The following AP2M1 variants were observed in gnomAD, a reference collection of about 807,000 sequenced individuals.
The protein encoded by AP2M1 is AP-2 complex subunit mu.
A neutral mutation model predicts 54.5 loss-of-function variants in AP2M1; 5 were observed. That is an observed-to-expected ratio of 0.09 (90% CI 0.05 to 0.19). The LOEUF (loss-of-function observed/expected upper bound fraction) is 0.19, where lower values mean the gene tolerates loss of function less well. Ranked by LOEUF, AP2M1 falls within the 10% of genes least tolerant of loss-of-function variation. The pLI, the probability that AP2M1 is intolerant of heterozygous loss-of-function variation, is 1.00. For missense variants in AP2M1, 178 were observed against 580.2 expected (o/e 0.31, Z 7.12); for synonymous variants, 186 against 208.2 (o/e 0.89, Z 0.92).
At position 184,178,683 on chromosome 3, in the gene AP2M1, A is replaced by G. The variant is rs1715168687; in HGVS notation, c.75-174A>G. 6.6e-6 allele frequency among the ~76,000 whole-genome samples: 1 copy of G among 152,320 alleles called. No individual in the cohort carries two copies. The highest frequency in any genetic ancestry group is 2.1e-4 in the South Asian group (1 of 4,832). On this transcript the variant is annotated intron_variant, in intron 2 of 11. Transcript: ENST00000292807. This position sits in a 1 kb window ranked among gnomAD's most constrained non-coding sequence, Gnocchi z 4.9. ...GCTCAGGCACTCTTCCCATGCCTCCACAGGGAGTCATAAGAAGGGAACCAC... is the reference window on the plus strand; with the variant it reads ...GCTCAGGCACTCTTCCCATGCCTCCGCAGGGAGTCATAAGAAGGGAACCAC...
Position 184,182,635 on chromosome 3 carries a change from C to A in AP2M1, c.1062-122C>A. 1.3e-6 allele frequency: 1 copy of A among 765,736 alleles called. No homozygotes were observed. Among genetic ancestry groups the A allele is most frequent in the South Asian group, 1.8e-5 (1 of 57,016 alleles). 47.4% of individuals were successfully genotyped at this position (765,736 alleles called of 1,614,324 possible). On this transcript the variant is annotated intron_variant, in intron 10 of 11. Transcript: ENST00000292807. This position sits in a 1 kb window ranked among gnomAD's most constrained non-coding sequence, Gnocchi z 5.5. The stretch of plus-strand genomic sequence containing the variant: ...TAGCAAGTGGTTAGCAGGGTCCTGA[C>A]CACTTCTCCTTGTTCTGGCACCTCC...
Position 184,183,664 on chromosome 3 carries a change from G to T in AP2M1, c.*48G>T, listed in dbSNP as rs1044881352. On this transcript the variant is annotated 3_prime_UTR_variant, in exon 12 of 12. Coordinates refer to ENST00000292807, the MANE Select transcript of AP2M1 (RefSeq NM_004068.4). This position sits in a 1 kb window ranked among gnomAD's most constrained non-coding sequence, Gnocchi z 5.7. ...CCTCCCCAGCCACCCTCCTCCACAG[G>T]TCCAGGTGCCGCTCCCTCCCCCACC... 1.9e-6 allele frequency: 3 copies of T among 1,600,608 alleles called. No homozygotes were observed. The highest frequency in any genetic ancestry group is 1.3e-5 in the African/African-American group (1 of 74,398).
rs1264212401 is a variant in AP2M1, at chr3:184,182,099, GT to G, written c.964-51del. The G allele has an allele frequency of 1.2e-6, 2 of 1,611,460 alleles. No individual in the cohort carries two copies. The highest frequency in any genetic ancestry group is 2.7e-5 in the African/African-American group (2 of 75,016). On this transcript the variant is annotated intron_variant, in intron 9 of 11. Transcript: ENST00000292807. The surrounding 1 kb of genome is among the most constrained non-coding windows in gnomAD (Gnocchi z 5.5). ...GAAGAACTTGTCCCTAGGAATAAAG[GT>G]AGCTGATGTCACAGCTTGACAGAGC...
Position 184,182,914 on chromosome 3 carries a change from G to C in AP2M1, c.1173+46G>C, listed in dbSNP as rs371726224. 10 of 1,519,134 alleles carry C rather than the reference G, an allele frequency of 6.6e-6. No individual in the cohort carries two copies. The highest frequency in any genetic ancestry group is 9.1e-6 in the Non-Finnish European group (10 of 1,097,652). The allele number at this position is 1,519,134 out of a possible 1,614,324, so 94.1% of individuals were successfully genotyped here. On this transcript the variant is annotated intron_variant, in intron 11 of 11. Transcript: ENST00000292807. This position sits in a 1 kb window ranked among gnomAD's most constrained non-coding sequence, Gnocchi z 5.5. Reference sequence around the variant, plus strand: ...AGAGTCATGCCAGGGTATGCTGGAAGACCTCTTAGAGATCATTCCGATAAA... The same window carrying C: ...AGAGTCATGCCAGGGTATGCTGGAACACCTCTTAGAGATCATTCCGATAAA...
At position 184,180,887 on chromosome 3, in the gene AP2M1, T is replaced by A; in HGVS notation, c.468T>A (p.Thr156=). The A allele has an allele frequency of 6.2e-7, 1 of 1,614,212 alleles. No homozygotes were observed. The highest frequency in any genetic ancestry group is 8.5e-7 in the Non-Finnish European group (1 of 1,180,036). Residue 156 remains threonine, a synonymous_variant, in exon 6 of 12, where the codon ACT becomes ACA. Coordinates refer to ENST00000292807, the MANE Select transcript of AP2M1 (RefSeq NM_004068.4). The surrounding 1 kb of genome is among the most constrained non-coding windows in gnomAD (Gnocchi z 4.9). The part of the protein sequence containing the change: ...EEQSQITSQV[T]GQIGWRREGI... Reference sequence around the variant, plus strand: ...AGTCACAGATCACCAGCCAGGTAACTGGGCAGATTGGCTGGCGGCGAGAGG... The same window carrying A: ...AGTCACAGATCACCAGCCAGGTAACAGGGCAGATTGGCTGGCGGCGAGAGG...
intron 2 of AP2M1, chr3:184,177,574 A>C: frequency 2.6e-6 from 4 of 1,535,972 alleles, no homozygotes; most frequent in Non-Finnish European, 3.5e-6. Flanking sequence ...AGCTGTCTTC[A>C]GTTCCTCTGG....
rs1715156248 is a variant in AP2M1 at position 184,178,342 on chromosome 3, G to A, written c.75-515G>A. On this transcript the variant is annotated intron_variant, in intron 2 of 11. Coordinates refer to ENST00000292807, the MANE Select transcript of AP2M1 (RefSeq NM_004068.4). This position sits in a 1 kb window ranked among gnomAD's most constrained non-coding sequence, Gnocchi z 4.9. ...CTGGAGTTGGATCCTGGGCAAGAAT[G>A]GGTAGCACAATTCCATGGCCCCTTG... is the stretch of plus-strand genomic sequence containing the variant. 2 of 1,293,664 alleles carry A rather than the reference G, an allele frequency of 1.5e-6. No homozygotes were observed. The highest frequency in any genetic ancestry group is 3.9e-5 in the Admixed American group (2 of 50,650). The allele number at this position is 1,293,664 out of a possible 1,614,324, so 80.1% of individuals were successfully genotyped here. A position where few individuals can be genotyped will look rare whatever the true frequency, so the allele number is the denominator to read the frequency against.
chr3:184,177,967 G>A (rs1715132058), intron 2 of AP2M1: 1 of 618,118 alleles, frequency 1.6e-6, no homozygotes, highest in East Asian at 2.7e-5. Flanking sequence ...AGCTAGAGCT[G>A]CAGCTGTGGC....
chr3:184,180,466 C>G lies in AP2M1; in HGVS notation c.424-179C>G. 1 of 1,100,912 alleles carries G rather than the reference C, an allele frequency of 9.1e-7. No homozygotes were observed. The highest frequency in any genetic ancestry group is 1.3e-6 in the Non-Finnish European group (1 of 757,400). The allele number at this position is 1,100,912 out of a possible 1,614,324, so 68.2% of individuals were successfully genotyped here. ...CATCTCTATTACCAGGAATACAGCTCAAGCAGTTTCCTTTTGCACTGAGGG... is the reference window on the plus strand; with the variant it reads ...CATCTCTATTACCAGGAATACAGCTGAAGCAGTTTCCTTTTGCACTGAGGG... On this transcript the variant is annotated intron_variant, in intron 4 of 11. Coordinates refer to ENST00000292807, the MANE Select transcript of AP2M1 (RefSeq NM_004068.4). The surrounding 1 kb of genome is among the most constrained non-coding windows in gnomAD (Gnocchi z 4.9).
chr3:184,182,658 T>A lies in AP2M1; in HGVS notation c.1062-99T>A. 1.0e-6 allele frequency: 1 copy of A among 981,846 alleles called. No individual in the cohort carries two copies. Among genetic ancestry groups the A allele is most frequent in the Non-Finnish European group, 1.5e-6 (1 of 645,302 alleles). 60.8% of individuals were successfully genotyped at this position (981,846 alleles called of 1,614,324 possible). A position where few individuals can be genotyped will look rare whatever the true frequency, so the allele number is the denominator to read the frequency against. The stretch of plus-strand genomic sequence containing the variant: ...GACCACTTCTCCTTGTTCTGGCACC[T>A]CCTGCAAGCTCCTGGGCTCTCTCCT... On this transcript the variant is annotated intron_variant, in intron 10 of 11. Transcript: ENST00000292807. The surrounding 1 kb of genome is among the most constrained non-coding windows in gnomAD (Gnocchi z 5.5).
chr3:184,180,645 C>T lies in AP2M1; in HGVS notation c.424C>T (p.His142Tyr). ...ACCTCGTTGGCCCTGCGGCCTCCAG[C>T]ATCAGGTAAGCTCTTCCCTCAGCTT... The part of the protein sequence containing the change: ...FITQQGIKSQ[H>Y]QTKEEQSQIT... The change falls in exon 5 of 12, where the codon CAT (histidine) becomes TAT (tyrosine). Residue 142 changes from histidine (H) to tyrosine (Y), a missense_variant and splice_region_variant. This residue lies in a region of AP2M1 where 115 missense variants were observed against 331.2 expected (regional missense o/e 0.35). Transcript: ENST00000292807. This position sits in a 1 kb window ranked among gnomAD's most constrained non-coding sequence, Gnocchi z 4.9. 1 of 1,614,180 alleles carries T rather than the reference C, an allele frequency of 6.2e-7. No homozygotes were observed. Among genetic ancestry groups the T allele is most frequent in the Middle Eastern group, 1.7e-4 (1 of 6,004 alleles).
rs559316178 is a variant in AP2M1, at chr3:184,180,597, C to T, written c.424-48C>T. 2.5e-5 allele frequency: 41 copies of T among 1,612,924 alleles called. No homozygotes were observed. The South Asian group carries it at 3.8e-4, about 15-fold the overall frequency. On this transcript the variant is annotated intron_variant, in intron 4 of 11. Transcript: ENST00000292807. The surrounding 1 kb of genome is among the most constrained non-coding windows in gnomAD (Gnocchi z 4.9). Reference sequence around the variant, plus strand: ...TCATAGCTTTCTCCTCCTTTTCTGCCTCCCTTGCTGCTTCATGTGGGCACC... The same window carrying T: ...TCATAGCTTTCTCCTCCTTTTCTGCTTCCCTTGCTGCTTCATGTGGGCACC...
chr3:184,176,887 G>C, intron 1 of AP2M1, 64 bp from the exon 2 acceptor site: 1 of 1,198,128 alleles, frequency 8.3e-7, no homozygotes, highest in Non-Finnish European at 1.2e-6. Context: ...GACCTGCACA[G>C]CTCCACAGGG....
Position 184,183,676 on chromosome 3 carries a change from C to T in AP2M1, c.*60C>T, listed in dbSNP as rs1249654492. On this transcript the variant is annotated 3_prime_UTR_variant, in exon 12 of 12. Coordinates refer to ENST00000292807, the MANE Select transcript of AP2M1 (RefSeq NM_004068.4). The surrounding 1 kb of genome is among the most constrained non-coding windows in gnomAD (Gnocchi z 5.7). ...CCCTCCTCCACAGGTCCAGGTGCCG[C>T]TCCCTCCCCCACCACACATCAGTGT... is the stretch of plus-strand genomic sequence containing the variant. 6.4e-7 allele frequency: 1 copy of T among 1,568,752 alleles called. No individual in the cohort carries two copies. Among genetic ancestry groups the T allele is most frequent in the Admixed American group, 1.8e-5 (1 of 55,840 alleles).
At chr3:184,176,358 C>A (rs1415112731) in intron 1 of AP2M1, among the ~76,000 whole-genome samples, 2 of 152,226 alleles carry the variant, frequency 1.3e-5, no homozygotes, top group Non-Finnish European at 2.9e-5. Context: ...TTAAGCCACA[C>A]TCCCGGGTCC....
rs564705439 is a variant in AP2M1 at position 184,176,931 on chromosome 3, C to T, written c.-43-20C>T. The T allele has an allele frequency of 2.6e-6, 4 of 1,556,590 alleles. No homozygotes were observed. The African/African-American group carries it at 4.1e-5, about 16-fold the overall frequency. On this transcript the variant is annotated intron_variant, in intron 1 of 11. Coordinates refer to ENST00000292807, the MANE Select transcript of AP2M1 (RefSeq NM_004068.4). ...CAGCGATTCTGAGGTCTTCTTTTAC[C>T]CTGCCCCCGCCTGTCCTAGGTCTGT...
At position 184,180,528 on chromosome 3, in the gene AP2M1, C is replaced by T; in HGVS notation, c.424-117C>T. 1 of 1,531,998 alleles carries T rather than the reference C, an allele frequency of 6.5e-7. No homozygotes were observed. The highest frequency in any genetic ancestry group is 8.9e-7 in the Non-Finnish European group (1 of 1,118,448). The allele number at this position is 1,531,998 out of a possible 1,614,324, so 94.9% of individuals were successfully genotyped here. ...GGCCTGGTCTTGAGGCCTGGTATTC[C>T]TCAGGAGGAGCGAGCTTGGGCCCTC... On this transcript the variant is annotated intron_variant, in intron 4 of 11. Coordinates refer to ENST00000292807, the MANE Select transcript of AP2M1 (RefSeq NM_004068.4). This position sits in a 1 kb window ranked among gnomAD's most constrained non-coding sequence, Gnocchi z 4.9.
Position 184,180,462 on chromosome 3 carries a change from AG to A in AP2M1, c.424-182del. 1 of 1,092,908 alleles carries A rather than the reference AG, an allele frequency of 9.1e-7. No individual in the cohort carries two copies. Among genetic ancestry groups the A allele is most frequent in the Non-Finnish European group, 1.3e-6 (1 of 752,680 alleles). The allele number at this position is 1,092,908 out of a possible 1,614,324, so 67.7% of individuals were successfully genotyped here. A position where few individuals can be genotyped will look rare whatever the true frequency, so the allele number is the denominator to read the frequency against. Reference sequence around the variant, plus strand: ...TCAGCATCTCTATTACCAGGAATACAGCTCAAGCAGTTTCCTTTTGCACTGA... The same window carrying A: ...TCAGCATCTCTATTACCAGGAATACACTCAAGCAGTTTCCTTTTGCACTGA... On this transcript the variant is annotated intron_variant, in intron 4 of 11. Transcript: ENST00000292807. The surrounding 1 kb of genome is among the most constrained non-coding windows in gnomAD (Gnocchi z 4.9).
intron 2 of AP2M1, chr3:184,177,431 ACTAATCCAT>A: frequency 9.9e-7 from 1 of 1,006,472 alleles, no homozygotes; most frequent in Non-Finnish European, 1.5e-6. Context: ...CGCTGGAGGC[ACTAATCCAT>A]CTAAGCCTTG....
Sources: gnomAD v4.1 joint callset for allele counts (sites outside exome capture counted in the v4.1 genomes callset) on GRCh38, gnomAD v4.1.1 for gene constraint, gnomAD v4.1.1 regional missense constraint, Gnocchi (gnomAD v3.1) non-coding constraint, MANE v1.5 for transcripts, NCBI Gene and HGNC (gene_info 2026-07-23, HGNC 2026-07-21) for gene names.